Variants in VCAM1 observed in about 807,000 individuals in gnomAD.
VCAM1 encodes vascular cell adhesion molecule 1.
VCAM1 carries 41 observed loss-of-function variants against 63.8 expected under a neutral mutation model. The ratio of observed to expected loss-of-function variants is 0.64; its 90% confidence interval spans 0.50 to 0.83. The LOEUF (loss-of-function observed/expected upper bound fraction) is 0.83, where lower values mean the gene tolerates loss of function less well. VCAM1 is among the 40% of genes least tolerant of loss of function. The pLI, the probability that VCAM1 is intolerant of heterozygous loss-of-function variation, is 0.00. For missense variants in VCAM1, 798 were observed against 875.5 expected, an observed-to-expected ratio of 0.91 and a Z score of 1.12; for synonymous variants, 338 against 320.7, an observed-to-expected ratio of 1.05 and a Z score of -0.58.
chr1:100,724,413 C>A (rs1006079884), intron 3 of VCAM1, among the ~76,000 whole-genome samples: 3 of 151,978 alleles, frequency 2.0e-5, no homozygotes, highest in Non-Finnish European at 4.4e-5. Flanking sequence ...TATCTACAAC[C>A]ATCTGAAAAA....
At chr1:100,724,018 C>G (rs1280459084) in intron 3 of VCAM1, among the ~76,000 whole-genome samples, 1 of 151,922 alleles carries the variant, frequency 6.6e-6, no homozygotes, top group African/African-American at 2.4e-5. Context: ...GCTGGGAAGG[C>G]TTTTAACAAT....
intron 2 of VCAM1, among the ~76,000 whole-genome samples, 165 bp from the exon 3 acceptor site, chr1:100,722,855 T>C (rs370257466): frequency 2.0e-5 from 3 of 152,128 alleles, no homozygotes; most frequent in East Asian, 3.9e-4. Context: ...CCAATTCTTG[T>C]GCCTTGAACT....
At position 100,731,545 on chromosome 1, in the gene VCAM1, G is replaced by A; in HGVS notation, c.1525+27G>A. The stretch of plus-strand genomic sequence containing the variant: ...TAAGTACATATGTGAGGTATCTACA[G>A]TTTAATACCTGTCTCTTTATCGTGT... On this transcript the variant is annotated intron_variant, in intron 6 of 8. Coordinates refer to ENST00000294728, the MANE Select transcript of VCAM1 (RefSeq NM_001078.4). The surrounding 1 kb of genome is among the most constrained non-coding windows in gnomAD (Gnocchi z 4.2). 6.4e-7 allele frequency: 1 copy of A among 1,568,096 alleles called. No individual in the cohort carries two copies. Among genetic ancestry groups the A allele is most frequent in the Non-Finnish European group, 8.7e-7 (1 of 1,150,258 alleles).
intron 8 of VCAM1, 157 bp from the exon 9 acceptor site, chr1:100,737,966 C>A (rs1660716097): frequency 4.1e-6 from 3 of 725,252 alleles, no homozygotes; most frequent in Admixed American, 5.4e-5. Flanking sequence ...ATAATTCAGA[C>A]AAACATGCAT....
At chr1:100,727,486 T>C (rs3917041) in intron 4 of VCAM1, among the ~76,000 whole-genome samples, 4,719 of 152,184 alleles carry the variant, frequency 0.031, 246 homozygotes, top group African/African-American at 0.11. Context: ...TGGAATAATG[T>C]CACTCCATAA....
intron 8 of VCAM1, chr1:100,735,776 A>G (rs1459310693): frequency 6.6e-6 from 1 of 152,256 alleles, no homozygotes; most frequent in Non-Finnish European, 1.5e-5. Flanking sequence ...AAGAAGGGGA[A>G]AACATCACGA....
Position 100,731,405 on chromosome 1 carries a change from T to C in VCAM1, c.1412T>C (p.Ile471Thr). The C allele has an allele frequency of 6.2e-7, 1 of 1,613,822 alleles. No individual in the cohort carries two copies. ...AACAAAAGTTTGGAAATGACCTTCA[T>C]CCCTACCATTGAAGATACTGGAAAA... ...LENKSLEMTFIPTIEDTGKAL... is the reference protein window; with the variant it reads ...LENKSLEMTFTPTIEDTGKAL... The change falls in exon 6 of 9, where the codon ATC becomes ACC. Residue 471 changes from isoleucine to threonine, a missense_variant. By Grantham distance (89) the Ile-to-Thr change is moderately conservative. Transcript: ENST00000294728. This position sits in a 1 kb window ranked among gnomAD's most constrained non-coding sequence, Gnocchi z 4.2.
chr1:100,732,793 G>T, intron 7 of VCAM1, 109 bp downstream of exon 7: 1 of 1,269,988 alleles, frequency 7.9e-7, no homozygotes, highest in South Asian at 1.7e-5. Context: ...AAAGTGTGAT[G>T]AGGGTTTTGA....
Position 100,732,461 on chromosome 1 carries a change from C to T in VCAM1, c.1569C>T (p.Ile523=). 1 of 1,606,828 alleles carries T rather than the reference C, an allele frequency of 6.2e-7. No individual in the cohort carries two copies. The highest frequency in any genetic ancestry group is 2.2e-5 in the East Asian group (1 of 44,728). Residue 523 remains isoleucine, a synonymous_variant, in exon 7 of 9, where the codon ATC becomes ATT. Coordinates refer to ENST00000294728, the MANE Select transcript of VCAM1 (RefSeq NM_001078.4). ...DTTVLVSPSS[I]LEEGSSVNMT... Reference sequence around the variant, plus strand: ...CCGTCTTGGTCAGCCCTTCCTCCATCCTGGAGGAAGGCAGTTCTGTGAATA... The same window carrying T: ...CCGTCTTGGTCAGCCCTTCCTCCATTCTGGAGGAAGGCAGTTCTGTGAATA...
intron 8 of VCAM1, 108 bp downstream of exon 8, chr1:100,734,876 T>A: frequency 2.2e-6 from 3 of 1,357,084 alleles, no homozygotes; most frequent in Non-Finnish European, 3.0e-6. Context: ...GAGCTGTGGT[T>A]TATTTCTTAA....
intron 2 of VCAM1, among the ~76,000 whole-genome samples, chr1:100,722,297 T>C (rs979079737): frequency 3.3e-5 from 5 of 152,026 alleles, no homozygotes; most frequent in African/African-American, 1.2e-4. Flanking sequence ...AGGAGGCAAA[T>C]ATGTGTTCCA....
At position 100,723,357 on chromosome 1, in the gene VCAM1, T is replaced by C. The variant is rs370649162; in HGVS notation, c.661+17T>C. On this transcript the variant is annotated intron_variant, in intron 3 of 8. Coordinates refer to ENST00000294728, the MANE Select transcript of VCAM1 (RefSeq NM_001078.4). The stretch of plus-strand genomic sequence containing the variant: ...AAGTCTACAGTAAGTACTTGTGCGA[T>C]GTGTTCCAGTCTTTGTGGGAATCCC... The C allele has an allele frequency of 8.1e-6, 13 of 1,606,940 alleles. No homozygotes were observed. The highest frequency in any genetic ancestry group is 2.7e-5 in the African/African-American group (2 of 74,704).
intron 6 of VCAM1, 40 bp from the exon 7 acceptor site, chr1:100,732,378 G>T (rs754115283): frequency 1.3e-6 from 2 of 1,507,450 alleles, no homozygotes; most frequent in South Asian, 1.4e-5. Flanking sequence ...GGAACTCAGG[G>T]CATAATAGGT....
chr1:100,732,754 A>C, intron 7 of VCAM1, 70 bp downstream of exon 7: 1 of 1,459,178 alleles, frequency 6.9e-7, no homozygotes, highest in Non-Finnish European at 9.0e-7. Flanking sequence ...ATTATGAGTA[A>C]AGTCTTTGAA....
chr1:100,727,094 T>C (rs987364282), intron 4 of VCAM1, among the ~76,000 whole-genome samples: 9 of 151,532 alleles, frequency 5.9e-5, no homozygotes, highest in African/African-American at 2.2e-4. Flanking sequence ...TTTGGATTCT[T>C]AGCACAGTAC....
At position 100,731,289 on chromosome 1, in the gene VCAM1, C is replaced by G; in HGVS notation, c.1296C>G (p.Pro432=). Residue 432 remains proline (P), a synonymous_variant, in exon 6 of 9, where the codon CCC becomes CCG. Transcript: ENST00000294728. This position sits in a 1 kb window ranked among gnomAD's most constrained non-coding sequence, Gnocchi z 4.2. ...GCTGCAAGGTTCCTAGCGTGTACCC[C>G]CTTGACCGGCTGGAGATTGAATTAC... The part of the protein sequence containing the change: ...TVSCKVPSVY[P]LDRLEIELLK... 1 of 1,613,800 alleles carries G rather than the reference C, an allele frequency of 6.2e-7. No homozygotes were observed. The highest frequency in any genetic ancestry group is 1.1e-5 in the South Asian group (1 of 91,074).
intron 1 of VCAM1, 73 bp downstream of exon 1, chr1:100,719,997 T>A (rs1276240369): frequency 3.3e-6 from 5 of 1,530,478 alleles, no homozygotes; most frequent in Admixed American, 1.7e-5. Context: ...TCAGTCAGTT[T>A]TGCGATAGTA....
intron 6 of VCAM1, 136 bp from the exon 7 acceptor site, chr1:100,732,282 C>A: frequency 1.1e-6 from 1 of 901,206 alleles, no homozygotes; most frequent in Non-Finnish European, 1.6e-6. Flanking sequence ...AGGACCAAAA[C>A]CTCTTGTGGT....
Position 100,729,483 on chromosome 1 carries a change from A to G in VCAM1, c.1204+101A>G, listed in dbSNP as rs895497536. On this transcript the variant is annotated intron_variant, in intron 5 of 8. Transcript: ENST00000294728. ...GTGCAATGAAATCCTTATGTTTAGA[A>G]AAGGAATTTAGCCTTGTGAATTTTG... is the stretch of plus-strand genomic sequence containing the variant. 6.5e-6 allele frequency: 9 copies of G among 1,389,160 alleles called. No individual in the cohort carries two copies. The East Asian group carries it at 1.9e-4, about 29-fold the overall frequency. 86.1% of individuals were successfully genotyped at this position (1,389,160 alleles called of 1,614,324 possible). A position where few individuals can be genotyped will look rare whatever the true frequency, so the allele number is the denominator to read the frequency against.
Sources: gnomAD v4.1 joint callset for allele counts (sites outside exome capture counted in the v4.1 genomes callset) on GRCh38, gnomAD v4.1.1 for gene constraint, Gnocchi (gnomAD v3.1) non-coding constraint, MANE v1.5 for transcripts, NCBI Gene and HGNC (gene_info 2026-07-23, HGNC 2026-07-21) for gene names.